The following SLCO2A1 variants were observed in gnomAD, a reference collection of about 807,000 sequenced individuals.
SLCO2A1 encodes the protein solute carrier organic anion transporter family member 2A1, also known as matrin F/G 1.
A neutral mutation model predicts 71.7 loss-of-function variants in SLCO2A1; 60 were observed. The observed-to-expected ratio is 0.84, with a 90% CI of 0.68 to 1.04. SLCO2A1 has a LOEUF of 1.04. Among genes scored for constraint, SLCO2A1 ranks in the 50% least tolerant of loss-of-function variants. The pLI is 0.00. For synonymous variants in SLCO2A1, 308 were observed against 326.7 expected, an observed-to-expected ratio of 0.94 and a Z score of 0.62; for missense variants, 745 against 813.4, an observed-to-expected ratio of 0.92 and a Z score of 1.02.
chr3:133,947,161 A>T, intron 9 of SLCO2A1, 95 bp downstream of exon 9: 1 of 1,093,050 alleles, frequency 9.1e-7, no homozygotes, highest in South Asian at 1.7e-5. Flanking sequence ...TACAGCAAAG[A>T]ATAGAGTTAA....
chr3:133,952,140 C>G (rs1300733322), intron 5 of SLCO2A1, among the ~76,000 whole-genome samples: 2 of 152,212 alleles, frequency 1.3e-5, no homozygotes, highest in African/African-American at 4.8e-5. Flanking sequence ...ACTGGGCACT[C>G]AGTTGCTGGT....
intron 2 of SLCO2A1, among the ~76,000 whole-genome samples, chr3:133,975,645 C>T (rs1182376433): frequency 2.6e-5 from 4 of 152,184 alleles, no homozygotes; most frequent in African/African-American, 9.7e-5. Flanking sequence ...CACTCTTCTG[C>T]TCCTCTCCCT....
At position 133,933,479 on chromosome 3, in the gene SLCO2A1, A is replaced by G. The variant is rs981542258; in HGVS notation, c.*1234T>C. On this transcript the variant is annotated 3_prime_UTR_variant, in exon 14 of 14. Coordinates refer to ENST00000310926, the MANE Select transcript of SLCO2A1 (RefSeq NM_005630.3). ...TGCACAAAGTCGGTCTCCAATAAAT[A>G]TATTTGTTGATGAATGACCTCCTTC... 1 of 152,190 alleles carries G rather than the reference A, an allele frequency of 6.6e-6. No homozygotes were observed. The highest frequency in any genetic ancestry group is 6.5e-5 in the Admixed American group (1 of 15,278). The allele number at this position is 152,190 out of a possible 1,614,324, so 9.4% of individuals were successfully genotyped here.
rs763713775 is a variant in SLCO2A1 at position 133,954,979 on chromosome 3, C to T, written c.612G>A (p.Ser204=). 14 of 1,613,836 alleles carry T rather than the reference C, an allele frequency of 8.7e-6. No homozygotes were observed. Among genetic ancestry groups the T allele is most frequent in the East Asian group, 2.2e-5 (1 of 44,878 alleles). ...CCGGTGACTCACAGATGTACAGGGG[C>T]GAGTTGCTGGGCTCTGAGAAGTCAT... ...YVDDFSEPSN[S]PLYISILFAI... Residue 204 remains serine, a synonymous_variant, in exon 4 of 14, where the codon TCG becomes TCA. Coordinates refer to ENST00000310926, the MANE Select transcript of SLCO2A1 (RefSeq NM_005630.3).
rs151084383 is a variant in SLCO2A1, at chr3:134,020,284, C to T, written c.96+9423G>A. ...ATGCCCCCAGCCAAATAAACCCCTT[C>T]CTTCTTCAACTCGGTGTCTGAGGAG... On this transcript the variant is annotated intron_variant, in intron 1 of 13. Coordinates refer to ENST00000310926, the MANE Select transcript of SLCO2A1 (RefSeq NM_005630.3). Among the ~76,000 whole-genome samples the T allele has an allele frequency of 2.9e-3, 443 of 152,328 alleles. 2 individuals carry two copies. The highest frequency in any genetic ancestry group is 0.01 in the African/African-American group (431 of 41,580).
chr3:134,000,233 CA>C lies in SLCO2A1; in HGVS notation c.97-20616del, dbSNP rs1935079188. Among the ~76,000 whole-genome samples, 3 of 152,164 alleles carry C rather than the reference CA, an allele frequency of 2.0e-5. No homozygotes were observed. The South Asian group carries it at 6.2e-4, about 32-fold the overall frequency. On this transcript the variant is annotated intron_variant, in intron 1 of 13. Coordinates refer to ENST00000310926, the MANE Select transcript of SLCO2A1 (RefSeq NM_005630.3). ...GCTTGAGGCTGTGGGGCTGGGAGAC[CA>C]AGTAGAGATGTCCAGGGAGGCACTG...
chr3:133,948,826 G>C, intron 7 of SLCO2A1, 67 bp downstream of exon 7: 1 of 1,592,518 alleles, frequency 6.3e-7, no homozygotes, highest in Non-Finnish European at 8.6e-7. Flanking sequence ...CAGGGGCTGG[G>C]GTCCCCCTGG....
intron 11 of SLCO2A1, 73 bp downstream of exon 11, chr3:133,942,532 C>T (rs1933451529): frequency 4.8e-6 from 7 of 1,472,034 alleles, no homozygotes; most frequent in Non-Finnish European, 6.4e-6. Context: ...AAACAGGCAA[C>T]TAGGCGCAAA....
chr3:133,980,658 C>A (rs1934568297), intron 1 of SLCO2A1, among the ~76,000 whole-genome samples: 1 of 152,258 alleles, frequency 6.6e-6, no homozygotes, highest in Non-Finnish European at 1.5e-5. Flanking sequence ...CACAGGAGAG[C>A]AACCGGGGCT....
chr3:133,941,368 C>G (rs185622361), intron 11 of SLCO2A1, among the ~76,000 whole-genome samples: 1 of 152,024 alleles, frequency 6.6e-6, no homozygotes, highest in Non-Finnish European at 1.5e-5. Flanking sequence ...TGACACCAAC[C>G]CTTTGAGTTC....
rs1933193937 is a variant in SLCO2A1 at position 133,933,550 on chromosome 3, T to G, written c.*1163A>C. ...ATCTATCACGTAGCAGCTGTGTCTC[T>G]CAACCCAGGCACCCACCTCTCTGGA... On this transcript the variant is annotated 3_prime_UTR_variant, in exon 14 of 14. Transcript: ENST00000310926. The G allele has an allele frequency of 6.6e-6, 1 of 152,228 alleles. No individual in the cohort carries two copies. 9.4% of individuals were successfully genotyped at this position (152,228 alleles called of 1,614,324 possible).
At chr3:133,984,913 G>C (rs1015420512) in intron 1 of SLCO2A1, among the ~76,000 whole-genome samples, 3 of 152,178 alleles carry the variant, frequency 2.0e-5, no homozygotes, top group Admixed American at 1.3e-4. Flanking sequence ...TTTCCCATTA[G>C]CAAGTGAAAA....
intron 1 of SLCO2A1, among the ~76,000 whole-genome samples, chr3:134,003,987 C>G (rs1465209760): frequency 6.6e-6 from 1 of 152,164 alleles, no homozygotes; most frequent in Non-Finnish European, 1.5e-5. Context: ...CTTGTGAGTT[C>G]CAGCCTGCCT....
Position 133,965,781 on chromosome 3 carries a change from G to A in SLCO2A1, c.397+7882C>T, listed in dbSNP as rs563422773. ...CAGCACCGCACTGGGCCCCCAAAGG[G>A]CTGGAAGCCTTATTTTGTGTAAAGA... On this transcript the variant is annotated intron_variant, in intron 3 of 13. Coordinates refer to ENST00000310926, the MANE Select transcript of SLCO2A1 (RefSeq NM_005630.3). Among the ~76,000 whole-genome samples the A allele has an allele frequency of 3.8e-4, 27 of 71,284 alleles. No individual in the cohort carries two copies. The South Asian group carries it at 0.013, about 34-fold the overall frequency. 46.8% of individuals were successfully genotyped at this position (71,284 alleles called of 152,430 possible).
chr3:134,015,111 C>G (rs1327752424), intron 1 of SLCO2A1, among the ~76,000 whole-genome samples: 1 of 152,100 alleles, frequency 6.6e-6, no homozygotes, highest in Non-Finnish European at 1.5e-5. Context: ...ATACCATTGC[C>G]CAATAAAACC....
chr3:133,979,018 G>C (rs1934522493), intron 2 of SLCO2A1, among the ~76,000 whole-genome samples: 2 of 152,170 alleles, frequency 1.3e-5, no homozygotes, highest in Non-Finnish European at 2.9e-5. Context: ...CTGGGCCCAG[G>C]GCTGCTGACC....
chr3:133,983,826 A>G (rs1474199060), intron 1 of SLCO2A1, among the ~76,000 whole-genome samples: 2 of 152,190 alleles, frequency 1.3e-5, no homozygotes, highest in African/African-American at 4.8e-5. Context: ...CAGCTTTGGG[A>G]GAGACGAGGG....
At chr3:134,012,816 C>T (rs1401587575) in intron 1 of SLCO2A1, among the ~76,000 whole-genome samples, 2 of 152,168 alleles carry the variant, frequency 1.3e-5, no homozygotes, top group Non-Finnish European at 2.9e-5. Context: ...CATTTCCACT[C>T]TTGGACACCA....
chr3:133,934,262 G>T lies in SLCO2A1; in HGVS notation c.*451C>A, dbSNP rs2108034504. 1 of 153,858 alleles carries T rather than the reference G, an allele frequency of 6.5e-6. No individual in the cohort carries two copies. Among genetic ancestry groups the T allele is most frequent in the African/African-American group, 2.4e-5 (1 of 41,606 alleles). The allele number at this position is 153,858 out of a possible 1,614,324, so 9.5% of individuals were successfully genotyped here. ...AGTGGCTCTGGCTATTAATAACTCA[G>T]CCACTTCCTTCTTCCTTTCACCCCT... On this transcript the variant is annotated 3_prime_UTR_variant, in exon 14 of 14. Transcript: ENST00000310926.
Sources: allele counts gnomAD v4.1 joint callset (sites outside exome capture counted in the v4.1 genomes callset), GRCh38; gene constraint gnomAD v4.1.1; transcripts MANE v1.5; gene names NCBI Gene and HGNC (gene_info 2026-07-23, HGNC 2026-07-21).